EDIL3: variants seen among roughly 807,000 people sequenced by gnomAD.
The protein encoded by EDIL3 is EGF like and discoidin domains 3.
Under a neutral mutation model 67.4 loss-of-function variants are expected in EDIL3, and 37 were observed. The ratio of observed to expected loss-of-function variants is 0.55; its 90% CI spans 0.42 to 0.72. The LOEUF is 0.72. Ranked by LOEUF, EDIL3 falls within the 30% of genes least tolerant of loss-of-function variation. The pLI, the probability that EDIL3 is intolerant of heterozygous loss-of-function variation, is 0.00. For missense variants in EDIL3, 527 were observed against 586.3 expected (o/e 0.90, Z 1.04); for synonymous variants, 195 against 196.3 (o/e 0.99, Z 0.05).
At chr5:84,359,663 G>A (rs1311071480) in intron 1 of EDIL3, among the ~76,000 whole-genome samples, 1 of 152,154 alleles carries the variant, frequency 6.6e-6, no homozygotes, top group South Asian at 2.1e-4. Context: ...GAAAGAATGT[G>A]CCAATCAAAA....
At chr5:84,105,977 G>A (rs181726238) in intron 6 of EDIL3, among the ~76,000 whole-genome samples, 111 of 152,186 alleles carry the variant, frequency 7.3e-4, no homozygotes, top group Non-Finnish European at 1.4e-3. Context: ...TTCCCCAACA[G>A]AGGTTTACTC....
intron 6 of EDIL3, among the ~76,000 whole-genome samples, chr5:84,079,778 TA>T (rs1192824604): frequency 1.3e-5 from 2 of 151,976 alleles, no homozygotes; most frequent in Non-Finnish European, 2.9e-5. Context: ...TTTAAAAAAA[TA>T]AACAGACAAG....
chr5:84,369,239 C>CATAT (rs57224825), intron 1 of EDIL3, among the ~76,000 whole-genome samples: 67,325 of 149,768 alleles, frequency 0.45, 15,306 homozygotes, highest in Middle Eastern at 0.54. Context: ...TAAACATACA[C>CATAT]ACACATATAA....
At chr5:84,172,931 T>C (rs1234486920) in intron 4 of EDIL3, among the ~76,000 whole-genome samples, 1 of 152,164 alleles carries the variant, frequency 6.6e-6, no homozygotes, top group Admixed American at 6.5e-5. Flanking sequence ...CTGTATGTAA[T>C]TCCCCCTTGA....
intron 1 of EDIL3, among the ~76,000 whole-genome samples, chr5:84,337,280 T>C (rs764988983): frequency 7.2e-5 from 11 of 152,330 alleles, no homozygotes; most frequent in South Asian, 4.1e-4. Flanking sequence ...TTATCTGTTG[T>C]ATCTTAAGAA....
At chr5:84,010,116 C>A (rs1473576027) in intron 9 of EDIL3, among the ~76,000 whole-genome samples, 6 of 152,182 alleles carry the variant, frequency 3.9e-5, no homozygotes. Flanking sequence ...AGTACCACCT[C>A]CTAGGAACTC....
Position 83,951,392 on chromosome 5 carries a change from T to C in EDIL3, c.1294-7824A>G, listed in dbSNP as rs1744419647. On this transcript the variant is annotated intron_variant, in intron 10 of 10. Transcript: ENST00000296591. Reference sequence around the variant, plus strand: ...CTTTGCTTCATGTTCCTCATGTATATAAATCTCTGATTATAGCCCAAGAAA... The same window carrying C: ...CTTTGCTTCATGTTCCTCATGTATACAAATCTCTGATTATAGCCCAAGAAA... Among the ~76,000 whole-genome samples, 3 of 151,822 alleles carry C rather than the reference T, an allele frequency of 2.0e-5. No individual in the cohort carries two copies. In the South Asian group the frequency reaches 6.2e-4, roughly 31 times the overall value.
intron 9 of EDIL3, among the ~76,000 whole-genome samples, chr5:83,976,208 A>C (rs2112143615): frequency 6.6e-6 from 1 of 151,938 alleles, no homozygotes; most frequent in East Asian, 1.9e-4. Context: ...GTAGAGTAGC[A>C]TTTTCTTTAA....
At chr5:84,229,084 A>G (rs1170711355) in intron 3 of EDIL3, among the ~76,000 whole-genome samples, 2 of 151,860 alleles carry the variant, frequency 1.3e-5, no homozygotes, top group Non-Finnish European at 2.9e-5. Context: ...TGTTGCTGGT[A>G]TGTTAGTCTG....
intron 1 of EDIL3, among the ~76,000 whole-genome samples, chr5:84,302,886 T>C (rs1396256307): frequency 6.6e-6 from 1 of 152,202 alleles, no homozygotes; most frequent in Admixed American, 6.5e-5. Context: ...AGTAAAAATA[T>C]TTCATTCATT....
intron 1 of EDIL3, among the ~76,000 whole-genome samples, chr5:84,351,719 C>A (rs1383269059): frequency 1.3e-5 from 2 of 152,106 alleles, no homozygotes; most frequent in African/African-American, 4.8e-5. Flanking sequence ...TCTCCAAGAT[C>A]CTTTCCAATT....
chr5:84,084,646 A>AT (rs756091587), intron 6 of EDIL3, among the ~76,000 whole-genome samples: 9 of 151,876 alleles, frequency 5.9e-5, no homozygotes, highest in South Asian at 2.1e-4. Flanking sequence ...TAATTCATCA[A>AT]TTTTTTTTGC....
chr5:84,064,973 C>T lies in EDIL3; in HGVS notation c.808-129G>A, dbSNP rs550372719. 5 of 1,224,422 alleles carry T rather than the reference C, an allele frequency of 4.1e-6. No homozygotes were observed. The Admixed American group carries it at 1.6e-4, about 40-fold the overall frequency. 75.8% of individuals were successfully genotyped at this position (1,224,422 alleles called of 1,614,324 possible). On this transcript the variant is annotated intron_variant, in intron 7 of 10. Transcript: ENST00000296591. Reference sequence around the variant, plus strand: ...GATTACATTATTTGGGAGCATGGAGCATTTGAGAAGTGCCTTGCCATGAGC... The same window carrying T: ...GATTACATTATTTGGGAGCATGGAGTATTTGAGAAGTGCCTTGCCATGAGC...
intron 2 of EDIL3, among the ~76,000 whole-genome samples, chr5:84,249,142 A>G (rs1744970255): frequency 6.7e-6 from 1 of 150,316 alleles, no homozygotes; most frequent in South Asian, 2.1e-4. Context: ...ATGACATTAT[A>G]CCTTTTTTTT....
chr5:84,318,351 C>A (rs554939784), intron 1 of EDIL3, among the ~76,000 whole-genome samples: 1 of 152,272 alleles, frequency 6.6e-6, no homozygotes, highest in South Asian at 2.1e-4. Flanking sequence ...ATAGCCAAGA[C>A]AATCCTAAGC....
intron 3 of EDIL3, among the ~76,000 whole-genome samples, chr5:84,183,190 TAC>T (rs1749045204): frequency 6.6e-6 from 1 of 152,172 alleles, no homozygotes; most frequent in South Asian, 2.1e-4. Context: ...CATTCTCTTT[TAC>T]AGTTTTTTTT....
At chr5:84,300,035 G>T (rs1457124) in intron 1 of EDIL3, among the ~76,000 whole-genome samples, 62,459 of 151,990 alleles carry the variant, frequency 0.41, 13,073 homozygotes, top group South Asian at 0.49. Flanking sequence ...ATCATGAACT[G>T]ACTGGCTAAT....
intron 1 of EDIL3, among the ~76,000 whole-genome samples, chr5:84,273,574 C>T (rs951040004): frequency 1.5e-4 from 23 of 152,184 alleles, no homozygotes; most frequent in African/African-American, 5.1e-4. Context: ...ATAAGTGTTA[C>T]TTAGGTCTTA....
chr5:83,964,458 C>G (rs1210020474), intron 9 of EDIL3, among the ~76,000 whole-genome samples: 2 of 151,730 alleles, frequency 1.3e-5, no homozygotes. Context: ...TTGGTGCTTT[C>G]AACCACTATG....
Sources: allele counts gnomAD v4.1 joint callset (sites outside exome capture counted in the v4.1 genomes callset), GRCh38; gene constraint gnomAD v4.1.1; transcripts MANE v1.5; gene names NCBI Gene and HGNC (gene_info 2026-07-23, HGNC 2026-07-21).